The following CCSER1 variants were observed in gnomAD, a reference collection of about 807,000 sequenced individuals.
The protein encoded by CCSER1 is coiled-coil serine rich protein 1.
In CCSER1, 41 loss-of-function variants were observed where a neutral mutation model predicts 82.0. That is an observed-to-expected ratio of 0.50 (90% CI 0.39 to 0.65). The LOEUF (loss-of-function observed/expected upper bound fraction) is 0.65. Ranked by LOEUF, CCSER1 falls within the 30% of genes least tolerant of loss-of-function variation. CCSER1 has a pLI of 0.00. For missense variants in CCSER1, 1,119 were observed against 1,064.2 expected, an observed-to-expected ratio of 1.05 and a Z score of -0.72; for synonymous variants, 414 against 383.9, an observed-to-expected ratio of 1.08 and a Z score of -0.92.
intron 3 of CCSER1, among the ~76,000 whole-genome samples, chr4:90,376,685 G>A (rs1312470824): frequency 6.6e-6 from 1 of 152,130 alleles, no homozygotes; most frequent in Admixed American, 6.6e-5. Context: ...TAAATTGAAT[G>A]GATATGGTCC....
At chr4:90,948,326 G>A (rs2150347396) in intron 9 of CCSER1, among the ~76,000 whole-genome samples, 1 of 151,742 alleles carries the variant, frequency 6.6e-6, no homozygotes, top group African/African-American at 2.4e-5. Flanking sequence ...TATGAAATTA[G>A]TGTCTTCACT....
At chr4:90,563,503 C>G (rs1414694174) in intron 5 of CCSER1, among the ~76,000 whole-genome samples, 1 of 152,118 alleles carries the variant, frequency 6.6e-6, no homozygotes, top group Non-Finnish European at 1.5e-5. Flanking sequence ...ACTTTTATGT[C>G]AGCAATTTTT....
At chr4:90,141,761 A>G (rs1724837269) in intron 1 of CCSER1, among the ~76,000 whole-genome samples, 1 of 152,208 alleles carries the variant, frequency 6.6e-6, no homozygotes, top group African/African-American at 2.4e-5. Flanking sequence ...TGCCCCTCCA[A>G]AAACCCCTTA....
intron 10 of CCSER1, among the ~76,000 whole-genome samples, chr4:91,148,470 C>CTTATTTAT (rs200947996): frequency 3.3e-5 from 5 of 151,516 alleles, no homozygotes; most frequent in Admixed American, 2.0e-4. Flanking sequence ...ACCAGACATT[C>CTTATTTAT]TTATTTATTT....
At chr4:90,971,560 T>C (rs1461593189) in intron 9 of CCSER1, among the ~76,000 whole-genome samples, 5 of 152,006 alleles carry the variant, frequency 3.3e-5, no homozygotes, top group Non-Finnish European at 7.4e-5. Flanking sequence ...CAGATGGTTT[T>C]ACTAGTGAAT....
At chr4:90,628,615 T>C in intron 6 of CCSER1, among the ~76,000 whole-genome samples, 1 of 152,304 alleles carries the variant, frequency 6.6e-6, no homozygotes, top group East Asian at 1.9e-4. Context: ...TATGATACCA[T>C]AAAAGTAGTT....
chr4:91,460,378 G>A (rs1298261945), intron 10 of CCSER1, among the ~76,000 whole-genome samples: 3 of 152,082 alleles, frequency 2.0e-5, no homozygotes, highest in Non-Finnish European at 2.9e-5. Flanking sequence ...TTGAGGAATA[G>A]CTTTTAAGGT....
At chr4:90,478,734 T>TC (rs1765453273) in intron 5 of CCSER1, among the ~76,000 whole-genome samples, 1 of 150,060 alleles carries the variant, frequency 6.7e-6, no homozygotes, top group East Asian at 1.9e-4. Flanking sequence ...TTTCTTTCTT[T>TC]TTTTTTTTTT....
intron 5 of CCSER1, among the ~76,000 whole-genome samples, chr4:90,484,589 C>T (rs1302837115): frequency 6.6e-6 from 1 of 152,166 alleles, no homozygotes; most frequent in African/African-American, 2.4e-5. Flanking sequence ...TTCCTTCTAA[C>T]AGTCAGGACC....
intron 10 of CCSER1, among the ~76,000 whole-genome samples, chr4:91,134,714 A>C (rs72888557): frequency 0.036 from 5,550 of 152,274 alleles, 311 homozygotes; most frequent in African/African-American, 0.12. Flanking sequence ...TCTTCAATGA[A>C]TGTTAAAATT....
chr4:90,543,809 G>GT (rs1244141447), intron 5 of CCSER1, among the ~76,000 whole-genome samples: 4 of 152,100 alleles, frequency 2.6e-5, no homozygotes, highest in Admixed American at 1.3e-4. Context: ...CTTAGAATGA[G>GT]TTTTCTAATT....
intron 10 of CCSER1, among the ~76,000 whole-genome samples, chr4:91,514,403 G>A (rs1386383911): frequency 6.6e-6 from 1 of 152,098 alleles, no homozygotes; most frequent in Non-Finnish European, 1.5e-5. Context: ...TATGTTCTAT[G>A]TGCAGATGAG....
chr4:91,545,169 C>T (rs1364098560), intron 10 of CCSER1, among the ~76,000 whole-genome samples: 3 of 152,118 alleles, frequency 2.0e-5, no homozygotes, highest in Non-Finnish European at 4.4e-5. Context: ...TTGCTAAGAC[C>T]ATTGGAAAAG....
chr4:90,779,596 C>T (rs986217811), intron 7 of CCSER1, among the ~76,000 whole-genome samples: 2 of 152,204 alleles, frequency 1.3e-5, no homozygotes, highest in African/African-American at 4.8e-5. Flanking sequence ...CCAGACGTTC[C>T]TCATGGGTTA....
intron 1 of CCSER1, among the ~76,000 whole-genome samples, chr4:90,303,047 A>G (rs1019230531): frequency 6.6e-6 from 1 of 152,168 alleles, no homozygotes; most frequent in African/African-American, 2.4e-5. Flanking sequence ...ACAAGTTCAT[A>G]TTAAAAATAA....
intron 10 of CCSER1, among the ~76,000 whole-genome samples, chr4:91,415,329 T>C (rs1485806642): frequency 1.3e-4 from 20 of 152,142 alleles, no homozygotes; most frequent in Admixed American, 1.3e-3. Flanking sequence ...GATGGGGTTT[T>C]CTAGACATGG....
chr4:90,516,702 C>T (rs116300759), intron 5 of CCSER1, among the ~76,000 whole-genome samples: 28 of 152,244 alleles, frequency 1.8e-4, no homozygotes, highest in African/African-American at 5.5e-4. Flanking sequence ...TCTCCCGGGA[C>T]GGAGTGTAGA....
At chr4:91,051,983 A>G (rs1743045854) in intron 9 of CCSER1, among the ~76,000 whole-genome samples, 1 of 152,106 alleles carries the variant, frequency 6.6e-6, no homozygotes, top group Non-Finnish European at 1.5e-5. Context: ...AGCTCAAAGG[A>G]AAAGACATGC....
intron 4 of CCSER1, among the ~76,000 whole-genome samples, chr4:90,427,378 C>G (rs1006707565): frequency 6.6e-6 from 1 of 151,624 alleles, no homozygotes; most frequent in African/African-American, 2.4e-5. Context: ...TACCATCTAA[C>G]TGGCAAATAA....
Sources: allele counts gnomAD v4.1 joint callset (sites outside exome capture counted in the v4.1 genomes callset), GRCh38; gene constraint gnomAD v4.1.1; transcripts MANE v1.5; gene names NCBI Gene and HGNC (gene_info 2026-07-23, HGNC 2026-07-21).